Variants in GULP1 observed in about 807,000 individuals in gnomAD.
GULP1 encodes the protein PTB domain-containing engulfment adapter protein 1.
GULP1 carries 19 observed loss-of-function variants against 40.9 expected under a neutral mutation model. That is an observed-to-expected ratio of 0.46 (90% CI 0.32 to 0.68). The LOEUF (loss-of-function observed/expected upper bound fraction) is 0.68, where lower values mean the gene tolerates loss of function less well. Among genes scored for constraint, GULP1 ranks in the 30% least tolerant of loss-of-function variants. The probability of loss-of-function intolerance (pLI) is 0.03; values close to 1 mark genes in which losing one functional copy is unlikely to be tolerated. For synonymous variants in GULP1, 119 were observed against 117.6 expected, an observed-to-expected ratio of 1.01 and a Z score of -0.08; for missense variants, 312 against 362.2, an observed-to-expected ratio of 0.86 and a Z score of 1.12.
chr2:188,543,512 T>C (rs753893869), intron 7 of GULP1, among the ~76,000 whole-genome samples: 1 of 152,162 alleles, frequency 6.6e-6, no homozygotes, highest in Non-Finnish European at 1.5e-5. Flanking sequence ...CTAATTATAA[T>C]GATGACTATA....
intron 4 of GULP1, chr2:188,491,363 T>G (rs1342643283): frequency 6.6e-6 from 1 of 152,104 alleles, no homozygotes; most frequent in East Asian, 1.9e-4. Context: ...TATAAGTGAC[T>G]AAAATCAGCA....
At position 188,300,297 on chromosome 2, in the gene GULP1, G is replaced by A. The variant is rs917145989; in HGVS notation, c.-172+8131G>A. Among the ~76,000 whole-genome samples the A allele has an allele frequency of 1.2e-4, 18 of 152,182 alleles. 1 individual carries two copies. The highest frequency in any genetic ancestry group is 3.4e-4 in the African/African-American group (14 of 41,532). The stretch of plus-strand genomic sequence containing the variant: ...TTTTTCATATATAAAGAACAGATGT[G>A]TTAAATAGTTATCTACTTGGTAGTA... On this transcript the variant is annotated intron_variant, in intron 1 of 11. Coordinates refer to ENST00000409830, the MANE Select transcript of GULP1 (RefSeq NM_016315.4).
intron 4 of GULP1, among the ~76,000 whole-genome samples, chr2:188,488,225 T>C (rs953573096): frequency 2.0e-5 from 3 of 152,030 alleles, no homozygotes; most frequent in African/African-American, 4.8e-5. Flanking sequence ...TCTACCAGAA[T>C]TTTATAGCCA....
intron 1 of GULP1, among the ~76,000 whole-genome samples, chr2:188,372,730 C>G (rs35180255): frequency 3.3e-5 from 5 of 151,564 alleles, no homozygotes; most frequent in Admixed American, 2.0e-4. Flanking sequence ...CCCTTTTATT[C>G]TTCTGGAGAT....
chr2:188,450,660 G>T (rs1050660821), intron 2 of GULP1, among the ~76,000 whole-genome samples: 2 of 151,914 alleles, frequency 1.3e-5, no homozygotes, highest in African/African-American at 4.8e-5. Context: ...CTTTCATTTA[G>T]AATGTTTTAT....
intron 2 of GULP1, among the ~76,000 whole-genome samples, chr2:188,405,168 T>A (rs2052890619): frequency 6.6e-6 from 1 of 152,028 alleles, no homozygotes; most frequent in African/African-American, 2.4e-5. Context: ...AGGCCAGTGC[T>A]TGCAGACCTA....
Position 188,594,694 on chromosome 2 carries a change from A to T in GULP1, c.*683A>T, listed in dbSNP as rs1001771402. 6.6e-6 allele frequency: 1 copy of T among 151,740 alleles called. No individual in the cohort carries two copies. The highest frequency in any genetic ancestry group is 1.5e-5 in the Non-Finnish European group (1 of 67,746). The allele number at this position is 151,740 out of a possible 1,614,324, so 9.4% of individuals were successfully genotyped here. On this transcript the variant is annotated 3_prime_UTR_variant, in exon 12 of 12. Coordinates refer to ENST00000409830, the MANE Select transcript of GULP1 (RefSeq NM_016315.4). ...TAATTTGTTTTATAAAGGTAGTGAA[A>T]AAATGAAAATTTGCTATTTATTAAA...
chr2:188,557,629 T>G (rs1186147587), intron 7 of GULP1, among the ~76,000 whole-genome samples: 1 of 152,222 alleles, frequency 6.6e-6, no homozygotes, highest in Non-Finnish European at 1.5e-5. Context: ...CTTGTGGCTT[T>G]TCAGGCACAG....
intron 4 of GULP1, among the ~76,000 whole-genome samples, chr2:188,488,096 T>C (rs935332137): frequency 3.3e-5 from 5 of 152,022 alleles, no homozygotes; most frequent in African/African-American, 1.2e-4. Flanking sequence ...TGGACACTTA[T>C]GTTTCAAACT....
chr2:188,352,303 G>A (rs1457754965), intron 1 of GULP1, among the ~76,000 whole-genome samples: 2 of 152,038 alleles, frequency 1.3e-5, no homozygotes, highest in African/African-American at 2.4e-5. Flanking sequence ...GAGTGAGATG[G>A]AATTTCTTCT....
At chr2:188,568,468 A>G (rs914011496) in intron 7 of GULP1, among the ~76,000 whole-genome samples, 1 of 152,218 alleles carries the variant, frequency 6.6e-6, no homozygotes, top group Non-Finnish European at 1.5e-5. Context: ...TGTAAGATAT[A>G]TTTGTGGCAG....
chr2:188,346,562 G>C (rs1171209460), intron 1 of GULP1, among the ~76,000 whole-genome samples: 2 of 150,952 alleles, frequency 1.3e-5, no homozygotes, highest in Non-Finnish European at 3.0e-5. Flanking sequence ...GTGCGATCTC[G>C]GGTCACTACA....
chr2:188,563,410 GATAA>G (rs1353897589), intron 7 of GULP1, among the ~76,000 whole-genome samples: 1 of 150,714 alleles, frequency 6.6e-6, no homozygotes, highest in East Asian at 1.9e-4. Context: ...AATATAAATT[GATAA>G]ATATCTTGAA....
chr2:188,552,352 A>T (rs1437669687), intron 7 of GULP1, among the ~76,000 whole-genome samples: 1 of 151,608 alleles, frequency 6.6e-6, no homozygotes, highest in South Asian at 2.1e-4. Flanking sequence ...ATATATGGTG[A>T]TAGGGGTCCA....
At chr2:188,520,445 G>A (rs1239241109) in intron 4 of GULP1, among the ~76,000 whole-genome samples, 2 of 150,334 alleles carry the variant, frequency 1.3e-5, no homozygotes, top group Admixed American at 6.7e-5. Flanking sequence ...CAGAAGAATC[G>A]CTTGAACCAA....
chr2:188,504,015 C>T (rs935812110), intron 4 of GULP1, among the ~76,000 whole-genome samples: 9 of 151,812 alleles, frequency 5.9e-5, no homozygotes, highest in Non-Finnish European at 1.3e-4. Flanking sequence ...TCTTCATCTG[C>T]CCAATACTTT....
At chr2:188,505,557 C>G (rs1454123053) in intron 4 of GULP1, among the ~76,000 whole-genome samples, 6 of 151,676 alleles carry the variant, frequency 4.0e-5, no homozygotes, top group Non-Finnish European at 8.8e-5. Context: ...TATAGAATCA[C>G]ACACTCTTCT....
chr2:188,521,752 T>G (rs1226845653), intron 4 of GULP1, among the ~76,000 whole-genome samples: 1 of 152,116 alleles, frequency 6.6e-6, no homozygotes, highest in Non-Finnish European at 1.5e-5. Flanking sequence ...TCAAACCATA[T>G]CACTTACTGA....
At chr2:188,301,831 T>G (rs573585846) in intron 1 of GULP1, among the ~76,000 whole-genome samples, 1 of 152,280 alleles carries the variant, frequency 6.6e-6, no homozygotes, top group African/African-American at 2.4e-5. Context: ...GGGATCATCT[T>G]TTGTCACGAG....
Sources: gnomAD v4.1 joint callset for allele counts (sites outside exome capture counted in the v4.1 genomes callset) on GRCh38, gnomAD v4.1.1 for gene constraint, MANE v1.5 for transcripts, NCBI Gene and HGNC (gene_info 2026-07-23, HGNC 2026-07-21) for gene names.